The following IQCM variants were observed in gnomAD, a reference collection of about 807,000 sequenced individuals.
IQCM encodes the protein IQ domain-containing protein M.
A neutral mutation model predicts 57.6 loss-of-function variants in IQCM; 45 were observed. That is an observed-to-expected ratio of 0.78 (90% CI 0.62 to 1.00). IQCM has a LOEUF of 1.00. Ranked by LOEUF, IQCM falls within the 50% of genes least tolerant of loss-of-function variation. IQCM has a pLI of 0.00. For missense variants in IQCM, 468 were observed against 511.6 expected (o/e 0.91, Z 0.82); for synonymous variants, 148 against 158.9 (o/e 0.93, Z 0.51).
At chr4:149,575,110 G>A (rs191386774) in intron 9 of IQCM, among the ~76,000 whole-genome samples, 10 of 151,978 alleles carry the variant, frequency 6.6e-5, no homozygotes, top group African/African-American at 2.4e-5. Context: ...AAGCTGTGTC[G>A]AGGGCTTTCG....
chr4:149,477,969 G>A (rs1040873257), intron 12 of IQCM, among the ~76,000 whole-genome samples: 1 of 152,022 alleles, frequency 6.6e-6, no homozygotes, highest in Non-Finnish European at 1.5e-5. Flanking sequence ...GTATGACACT[G>A]GGCAAATTTC....
At position 149,548,485 on chromosome 4, in the gene IQCM, C is replaced by G; in HGVS notation, c.1198G>C (p.Val400Leu). The G allele has an allele frequency of 8.1e-7, 1 of 1,231,946 alleles. No homozygotes were observed. The highest frequency in any genetic ancestry group is 1.0e-6 in the Non-Finnish European group (1 of 987,860). 76.3% of individuals were successfully genotyped at this position (1,231,946 alleles called of 1,614,324 possible). The change falls in exon 12 of 14, where the codon GTT (valine) becomes CTT (leucine). Residue 400 changes from valine (V) to leucine (L), a missense_variant. Coordinates refer to ENST00000636793, the MANE Select transcript of IQCM (RefSeq NM_001363507.2). Reference protein sequence around the residue: ...DCGHFPTQKQVDDTWDLVHQD... With the variant: ...DCGHFPTQKQLDDTWDLVHQD... Reference sequence around the variant, plus strand: ...TGGACCAGGTCCCAAGTATCATCAACTTGTTTCTGAGTTGGGAAATGACCA... The same window carrying G: ...TGGACCAGGTCCCAAGTATCATCAAGTTGTTTCTGAGTTGGGAAATGACCA...
chr4:149,604,081 A>G (rs1264512177), intron 8 of IQCM, among the ~76,000 whole-genome samples: 1 of 152,166 alleles, frequency 6.6e-6, no homozygotes, highest in Non-Finnish European at 1.5e-5. Flanking sequence ...GGTAAAACTT[A>G]ACACCTGATT....
chr4:149,638,029 T>G (rs1477739420), intron 7 of IQCM, among the ~76,000 whole-genome samples: 1 of 152,120 alleles, frequency 6.6e-6, no homozygotes, highest in African/African-American at 2.4e-5. Flanking sequence ...GAGTAAATAT[T>G]CACAACACAT....
intron 2 of IQCM, among the ~76,000 whole-genome samples, chr4:149,814,153 CA>C (rs1774838192): frequency 6.6e-6 from 1 of 151,896 alleles, no homozygotes; most frequent in African/African-American, 2.4e-5. Context: ...ATATTCATTG[CA>C]ATAAAAACTT....
chr4:149,777,379 T>G (rs1771190718), intron 2 of IQCM, among the ~76,000 whole-genome samples: 1 of 152,222 alleles, frequency 6.6e-6, no homozygotes, highest in Non-Finnish European at 1.5e-5. Flanking sequence ...ACCGTCTGGT[T>G]CATAACTGGC....
chr4:149,707,256 T>C (rs1031114483), intron 5 of IQCM, among the ~76,000 whole-genome samples: 2 of 152,092 alleles, frequency 1.3e-5, no homozygotes, highest in Admixed American at 6.5e-5. Context: ...TTTGTGATTT[T>C]AGCTTCTTAT....
At chr4:149,683,471 G>A (rs571249171) in intron 6 of IQCM, among the ~76,000 whole-genome samples, 1 of 151,326 alleles carries the variant, frequency 6.6e-6, no homozygotes, top group South Asian at 2.1e-4. Context: ...CTAATGATAC[G>A]ATCTATTAAT....
chr4:149,356,413 A>T (rs1027654742), intron 13 of IQCM, among the ~76,000 whole-genome samples: 6 of 152,000 alleles, frequency 3.9e-5, no homozygotes, highest in Non-Finnish European at 7.4e-5. Context: ...TCTTGAATTA[A>T]TTTTTGTATA....
chr4:149,718,162 T>C (rs1159274322), intron 5 of IQCM, among the ~76,000 whole-genome samples: 1 of 152,170 alleles, frequency 6.6e-6, no homozygotes, highest in Non-Finnish European at 1.5e-5. Flanking sequence ...AAAGCCATAT[T>C]CTCTAATCAA....
intron 12 of IQCM, among the ~76,000 whole-genome samples, chr4:149,447,035 C>G (rs926808404): frequency 1.3e-5 from 2 of 151,110 alleles, no homozygotes; most frequent in Admixed American, 6.6e-5. Flanking sequence ...AGATGATGGC[C>G]TACTGGAATA....
intron 9 of IQCM, among the ~76,000 whole-genome samples, chr4:149,583,295 A>C (rs191165405): frequency 1.2e-4 from 18 of 151,730 alleles, no homozygotes; most frequent in African/African-American, 4.3e-4. Flanking sequence ...CATAGATGGT[A>C]AATTTAAATG....
intron 12 of IQCM, among the ~76,000 whole-genome samples, chr4:149,536,738 A>G (rs973408409): frequency 4.6e-5 from 7 of 152,038 alleles, no homozygotes; most frequent in Non-Finnish European, 1.0e-4. Flanking sequence ...AATTTCATCC[A>G]AAAAGACTCT....
chr4:149,661,728 T>C (rs1376740995), intron 7 of IQCM, among the ~76,000 whole-genome samples: 3 of 152,156 alleles, frequency 2.0e-5, no homozygotes, highest in Admixed American at 2.0e-4. Context: ...TATTATCAAA[T>C]TTGTTGAGGT....
At chr4:149,465,944 G>T (rs1278304467) in intron 12 of IQCM, among the ~76,000 whole-genome samples, 1 of 152,070 alleles carries the variant, frequency 6.6e-6, no homozygotes, top group Non-Finnish European at 1.5e-5. Context: ...GTGGCAGGGT[G>T]TCAACCTTAT....
chr4:149,510,932 C>A (rs1744341694), intron 12 of IQCM, among the ~76,000 whole-genome samples: 1 of 152,274 alleles, frequency 6.6e-6, no homozygotes, highest in South Asian at 2.1e-4. Flanking sequence ...TTTCTATACT[C>A]TGTTATTTGA....
At chr4:149,616,361 G>A (rs944376282) in intron 8 of IQCM, among the ~76,000 whole-genome samples, 3 of 152,130 alleles carry the variant, frequency 2.0e-5, no homozygotes, top group African/African-American at 7.2e-5. Flanking sequence ...CTACGATTCT[G>A]TTTATGAGAC....
At chr4:149,696,682 C>A (rs139467828) in intron 5 of IQCM, among the ~76,000 whole-genome samples, 2 of 152,142 alleles carry the variant, frequency 1.3e-5, no homozygotes, top group Non-Finnish European at 2.9e-5. Flanking sequence ...GCTTATGGTC[C>A]TTTGAGTTAG....
At chr4:149,377,254 T>C (rs181468387) in intron 13 of IQCM, among the ~76,000 whole-genome samples, 157 of 152,250 alleles carry the variant, frequency 1.0e-3, no homozygotes, top group African/African-American at 3.6e-3. Flanking sequence ...AGAACTGAAA[T>C]ACAACATATT....
Sources: allele counts gnomAD v4.1 joint callset (sites outside exome capture counted in the v4.1 genomes callset), GRCh38; gene constraint gnomAD v4.1.1; transcripts MANE v1.5; gene names NCBI Gene and HGNC (gene_info 2026-07-23, HGNC 2026-07-21).